The following CCDC112 variants were observed in gnomAD, a reference collection of about 807,000 sequenced individuals.
CCDC112 encodes the protein coiled-coil domain-containing protein 112.
A neutral mutation model predicts 66.3 loss-of-function variants in CCDC112; 40 were observed. The observed-to-expected ratio is 0.60, with a 90% CI of 0.47 to 0.79. The LOEUF is 0.79. Among genes scored for constraint, CCDC112 ranks in the 30% least tolerant of loss-of-function variants. CCDC112 has a pLI of 0.00. For synonymous variants in CCDC112, 214 were observed against 197.2 expected, an observed-to-expected ratio of 1.09 and a Z score of -0.71; for missense variants, 659 against 603.8, an observed-to-expected ratio of 1.09 and a Z score of -0.96.
At chr5:115,275,674 T>G (rs112263692) in intron 5 of CCDC112, 68 bp from the exon 6 acceptor site, 5 of 1,118,884 alleles carry the variant, frequency 4.5e-6, no homozygotes, top group African/African-American at 1.6e-5. Flanking sequence ...TCCATCAAAT[T>G]TAAGATACCT....
chr5:115,280,019 T>C (rs75436457), intron 2 of CCDC112, among the ~76,000 whole-genome samples: 238 of 152,254 alleles, frequency 1.6e-3, no homozygotes, highest in Non-Finnish European at 2.7e-3. Flanking sequence ...TTTAAGAAAA[T>C]GTGGATATAC....
intron 1 of CCDC112, 115 bp from the exon 2 acceptor site, chr5:115,285,023 G>T: frequency 1.1e-6 from 1 of 902,716 alleles, no homozygotes; most frequent in Non-Finnish European, 1.7e-6. Context: ...TAATTTTGGG[G>T]CCAATCTCAC....
intron 1 of CCDC112, among the ~76,000 whole-genome samples, chr5:115,286,757 A>T (rs1025229585): frequency 2.0e-5 from 3 of 151,300 alleles, no homozygotes; most frequent in African/African-American, 7.3e-5. Flanking sequence ...ATAAAAACTT[A>T]AAAAAAAATT....
chr5:115,276,846 TAG>T (rs1749226702), intron 4 of CCDC112, 117 bp downstream of exon 4: 1 of 594,430 alleles, frequency 1.7e-6, no homozygotes, highest in African/African-American at 1.9e-5. Context: ...ACCAATAAAG[TAG>T]AGTTTAGCTC....
At chr5:115,277,392 T>A (rs1749252413) in intron 3 of CCDC112, among the ~76,000 whole-genome samples, 1 of 152,174 alleles carries the variant, frequency 6.6e-6, no homozygotes. Flanking sequence ...TCTTTAATAG[T>A]GTTTCATTTC....
chr5:115,278,176 GT>G (rs1378965196), intron 3 of CCDC112, among the ~76,000 whole-genome samples: 3 of 152,164 alleles, frequency 2.0e-5, no homozygotes, highest in South Asian at 2.1e-4. Context: ...TTAGGAAAGT[GT>G]TTTTTGTTGC....
rs564073096 is a variant in CCDC112, at chr5:115,270,620, T to A, written c.1332+593A>T. ...TAATGCAAACACACCACTAATGCCC[T>A]CATGGAGCCTACATTATGGTGGGGA... is the stretch of plus-strand genomic sequence containing the variant. On this transcript the variant is annotated intron_variant, in intron 7 of 9. Coordinates refer to ENST00000379611, the MANE Select transcript of CCDC112 (RefSeq NM_001040440.3). Among the ~76,000 whole-genome samples, 147 of 152,302 alleles carry A rather than the reference T, an allele frequency of 9.7e-4. 2 individuals are homozygous for A. The highest frequency in any genetic ancestry group is 1.9e-3 in the Non-Finnish European group (129 of 68,024).
intron 1 of CCDC112, chr5:115,296,041 GCA>G: frequency 1.0e-6 from 1 of 999,246 alleles, no homozygotes; most frequent in African/African-American, 1.7e-5. Context: ...CAATTACTGA[GCA>G]CAGAGTCCCC....
chr5:115,271,174 G>A lies in CCDC112; in HGVS notation c.1332+39C>T, dbSNP rs748958110. On this transcript the variant is annotated intron_variant, in intron 7 of 9. Coordinates refer to ENST00000379611, the MANE Select transcript of CCDC112 (RefSeq NM_001040440.3). ...GAATTTGGAAGTAATACCTCCATGT[G>A]TAGCATTTAAAAATTATTTAGGAAA... is the stretch of plus-strand genomic sequence containing the variant. 30 of 1,527,170 alleles carry A rather than the reference G, an allele frequency of 2.0e-5. No individual in the cohort carries two copies. The Admixed American group carries it at 5.7e-4, about 29-fold the overall frequency. 94.6% of individuals were successfully genotyped at this position (1,527,170 alleles called of 1,614,324 possible).
chr5:115,269,064 T>G, intron 8 of CCDC112, 64 bp from the exon 9 acceptor site: 1 of 898,422 alleles, frequency 1.1e-6, no homozygotes. Context: ...AGTAAATAAG[T>G]AAAAGCCTTA....
chr5:115,280,995 C>A (rs1211215013), intron 2 of CCDC112, among the ~76,000 whole-genome samples: 1 of 151,340 alleles, frequency 6.6e-6, no homozygotes, highest in South Asian at 2.1e-4. Flanking sequence ...TAGAGTTTCC[C>A]AATCTTTTCC....
intron 2 of CCDC112, among the ~76,000 whole-genome samples, chr5:115,282,592 T>A (rs6594883): frequency 6.6e-6 from 1 of 151,750 alleles, no homozygotes; most frequent in Non-Finnish European, 1.5e-5. Context: ...TAAAAAAAAA[T>A]GCAGAGCAAT....
intron 3 of CCDC112, among the ~76,000 whole-genome samples, chr5:115,278,844 G>A (rs1749320865): frequency 6.6e-6 from 1 of 152,118 alleles, no homozygotes; most frequent in South Asian, 2.1e-4. Context: ...TGACAAGGGA[G>A]TATCATGAGC....
intron 6 of CCDC112, among the ~76,000 whole-genome samples, chr5:115,274,139 G>A (rs1458318219): frequency 6.6e-6 from 1 of 152,092 alleles, no homozygotes; most frequent in Non-Finnish European, 1.5e-5. Flanking sequence ...CTGACTTACT[G>A]TGGTTCTCAA....
rs1408645240 is a variant in CCDC112, at chr5:115,275,236, G to C, written c.898C>G (p.Leu300Val). The C allele has an allele frequency of 2.5e-6, 4 of 1,607,058 alleles. No individual in the cohort carries two copies. The African/African-American group carries it at 5.4e-5, about 22-fold the overall frequency. The change falls in exon 6 of 10, where the codon CTA (leucine) becomes GTA (valine). Residue 300 changes from leucine to valine, a missense_variant. Leu to Val is a conservative substitution (Grantham distance 32, BLOSUM62 1). Transcript: ENST00000379611. ...HEKWYQKFLA[L>V]EERKKESIQI... ...ATTACCTCTTTTTTTCTTTCTTCTA[G>C]AGCCAGAAACTTTTGATACCATTTT...
rs576546370 is a variant in CCDC112, at chr5:115,277,564, T to C, written c.362-510A>G. Among the ~76,000 whole-genome samples, 4 of 152,298 alleles carry C rather than the reference T, an allele frequency of 2.6e-5. No individual in the cohort carries two copies. In the East Asian group the frequency reaches 5.8e-4, roughly 22 times the overall value. ...GGAAAGGGGCAGGTGATACTCATTG[T>C]TATCACTGGCACGGCCCTGAGGAGG... On this transcript the variant is annotated intron_variant, in intron 3 of 9. Transcript: ENST00000379611.
rs368549470 is a variant in CCDC112 at position 115,274,157 on chromosome 5, C to T, written c.918+1059G>A. 2.0e-5 allele frequency among the ~76,000 whole-genome samples: 3 copies of T among 152,122 alleles called. No homozygotes were observed. In the East Asian group the frequency reaches 5.8e-4, roughly 29 times the overall value. ...ACTTACTGTGGTTCTCAACTAGGGG[C>T]TATTTTTCCCCTCCAGTGGACAACT... On this transcript the variant is annotated intron_variant, in intron 6 of 9. Transcript: ENST00000379611.
At chr5:115,272,623 T>C (rs1343820128) in intron 6 of CCDC112, among the ~76,000 whole-genome samples, 1 of 152,142 alleles carries the variant, frequency 6.6e-6, no homozygotes, top group Non-Finnish European at 1.5e-5. Context: ...TACATATGGG[T>C]ATGTAAAAAT....
rs138859531 is a variant in CCDC112, at chr5:115,271,594, T to C, written c.951A>G (p.Gln317=). The C allele has an allele frequency of 1.3e-6, 2 of 1,547,310 alleles. No homozygotes were observed. The highest frequency in any genetic ancestry group is 2.8e-5 in the African/African-American group (2 of 71,000). ...TTAACTTGAAAATTTCCTCCCTTTT[T>C]TGCTGCTTTTTAGTTTTCCAAATCT... ...SIQIWKTKKQ[Q]KREEIFKLKE... is the part of the protein sequence containing the mutation. The change falls in exon 7 of 10, where the codon CAA becomes CAG. Residue 317 remains glutamine, a synonymous_variant. Transcript: ENST00000379611.
Sources: allele counts gnomAD v4.1 joint callset (sites outside exome capture counted in the v4.1 genomes callset), GRCh38; gene constraint gnomAD v4.1.1; transcripts MANE v1.5; gene names NCBI Gene and HGNC (gene_info 2026-07-23, HGNC 2026-07-21).